Variants in SYT9 observed in about 807,000 individuals in gnomAD.
SYT9 encodes the protein synaptotagmin 9.
In SYT9, 22 loss-of-function variants were observed where a neutral mutation model predicts 48.4. That is an observed-to-expected ratio of 0.45 (90% CI 0.32 to 0.65). The LOEUF (loss-of-function observed/expected upper bound fraction) is 0.65. Among genes scored for constraint, SYT9 ranks in the 30% least tolerant of loss-of-function variants. SYT9 has a pLI of 0.03. For synonymous variants in SYT9, 265 were observed against 245.0 expected (o/e 1.08, Z -0.76); for missense variants, 577 against 622.0 (o/e 0.93, Z 0.77).
intron 3 of SYT9, among the ~76,000 whole-genome samples, chr11:7,361,639 A>C (rs1023867328): frequency 1.3e-5 from 2 of 152,070 alleles, no homozygotes; most frequent in South Asian, 2.1e-4. Context: ...CTTTCCCTCT[A>C]TGATTGTGAA....
At chr11:7,362,152 T>A (rs369020121) in intron 3 of SYT9, among the ~76,000 whole-genome samples, 291 of 144,322 alleles carry the variant, frequency 2.0e-3, no homozygotes, top group African/African-American at 5.2e-3. Flanking sequence ...ATTTTTTTTT[T>A]ATTTTTTTTT....
At chr11:7,444,755 T>C (rs1349092053) in intron 6 of SYT9, among the ~76,000 whole-genome samples, 3 of 152,124 alleles carry the variant, frequency 2.0e-5, no homozygotes, top group African/African-American at 4.8e-5. Context: ...CAGGAATGGA[T>C]TGATAGGCGG....
chr11:7,260,973 G>A (rs11041286), intron 1 of SYT9, among the ~76,000 whole-genome samples: 2,925 of 152,274 alleles, frequency 0.019, 101 homozygotes, highest in African/African-American at 0.066. Context: ...GATGTGCACA[G>A]TCTGTTTTCT....
At chr11:7,432,577 AAAAAAATATATATAC>A (rs1564902004) in intron 6 of SYT9, among the ~76,000 whole-genome samples, 35 of 9,136 alleles carry the variant, frequency 3.8e-3, no homozygotes, top group Admixed American at 7.0e-3. Flanking sequence ...AAAAAAAAAA[AAAAAAATATATATAC>A]ATATATATAT....
intron 3 of SYT9, among the ~76,000 whole-genome samples, chr11:7,372,835 G>A (rs1266710162): frequency 6.6e-6 from 1 of 151,826 alleles, no homozygotes. Flanking sequence ...TTATTTTATG[G>A]CATAAGCTGG....
At position 7,407,495 on chromosome 11, in the gene SYT9, C is replaced by T. The variant is rs1472094274; in HGVS notation, c.1045-8547C>T. On this transcript the variant is annotated intron_variant, in intron 3 of 6. Transcript: ENST00000318881. Reference sequence around the variant, plus strand: ...TCCCGGGTTCACGCCATTCTCCTGCCTCAGCCTCCCCAGTAGCTGGGACTA... The same window carrying T: ...TCCCGGGTTCACGCCATTCTCCTGCTTCAGCCTCCCCAGTAGCTGGGACTA... Among the ~76,000 whole-genome samples, 3 of 99,780 alleles carry T rather than the reference C, an allele frequency of 3.0e-5. 1 individual carries two copies. The highest frequency in any genetic ancestry group is 5.6e-5 in the Non-Finnish European group (3 of 53,134). The allele number at this position is 99,780 out of a possible 152,430, so 65.5% of individuals were successfully genotyped here.
chr11:7,416,247 A>G (rs114606922), intron 4 of SYT9, 85 bp downstream of exon 4: 1 of 1,530,702 alleles, frequency 6.5e-7, no homozygotes, highest in Admixed American at 1.7e-5. Context: ...AATAAAGCAC[A>G]TTGACTCTGG....
chr11:7,455,082 C>A (rs1377625889), intron 6 of SYT9, among the ~76,000 whole-genome samples: 1 of 152,006 alleles, frequency 6.6e-6, no homozygotes, highest in Non-Finnish European at 1.5e-5. Flanking sequence ...TGCCAAAAAT[C>A]TTAATATTAT....
chr11:7,330,204 C>A (rs575722243), intron 3 of SYT9, among the ~76,000 whole-genome samples: 1 of 152,196 alleles, frequency 6.6e-6, no homozygotes, highest in African/African-American at 2.4e-5. Context: ...GAATGCTACT[C>A]AGCAATGAAA....
At chr11:7,341,410 A>C (rs187636822) in intron 3 of SYT9, among the ~76,000 whole-genome samples, 8 of 152,040 alleles carry the variant, frequency 5.3e-5, no homozygotes, top group Admixed American at 4.6e-4. Flanking sequence ...ATAAGGGTGG[A>C]TTTTTCCCAT....
chr11:7,434,178 C>T (rs1281043375), intron 6 of SYT9, among the ~76,000 whole-genome samples: 1 of 152,202 alleles, frequency 6.6e-6, no homozygotes, highest in African/African-American at 2.4e-5. Flanking sequence ...AAGGAAGCTA[C>T]GTCTGTGCTT....
chr11:7,409,369 A>T (rs894863465), intron 3 of SYT9, among the ~76,000 whole-genome samples: 3 of 152,032 alleles, frequency 2.0e-5, no homozygotes, highest in Admixed American at 6.6e-5. Flanking sequence ...TGTCACTGGG[A>T]TAATGTTGGT....
chr11:7,439,545 C>G (rs1847786323), intron 6 of SYT9: 1 of 152,316 alleles, frequency 6.6e-6, no homozygotes, highest in African/African-American at 2.4e-5. Flanking sequence ...AGTCAAGCAA[C>G]ATCAAGTCAA....
Position 7,313,433 on chromosome 11 carries a change from C to G in SYT9, c.536C>G (p.Pro179Arg), listed in dbSNP as rs150311683. The G allele has an allele frequency of 2.5e-6, 4 of 1,613,356 alleles. No homozygotes were observed. Among genetic ancestry groups the G allele is most frequent in the Non-Finnish European group, 3.4e-6 (4 of 1,179,792 alleles). ...CGAAGACAACTCAACTTGTCAAACC[C>G]GGACTTCAATATCCAGCAGCTTCAA... ...SIRRQLNLSNPDFNIQQLQKQ... is the reference protein window; with the variant it reads ...SIRRQLNLSNRDFNIQQLQKQ... The change falls in exon 3 of 7, where the codon CCG becomes CGG. Residue 179 changes from proline (P) to arginine (R), a missense_variant. Coordinates refer to ENST00000318881, the MANE Select transcript of SYT9 (RefSeq NM_175733.4).
chr11:7,432,581 AAATATATATACATATATAT>A lies in SYT9; in HGVS notation c.1467+11948_1467+11966del, dbSNP rs1847618787. Among the ~76,000 whole-genome samples the A allele has an allele frequency of 4.5e-3, 14 of 3,080 alleles. 1 individual carries two copies. Among genetic ancestry groups the A allele is most frequent in the Admixed American group, 0.017 (4 of 240 alleles). 2.0% of individuals were successfully genotyped at this position (3,080 alleles called of 152,430 possible). On this transcript the variant is annotated intron_variant, in intron 6 of 6. Transcript: ENST00000318881. ...AAAAAAAAAAAAAAAAAAAAAAAAA[AAATATATATACATATATAT>A]ATATATATATATATATATATATATA... is the stretch of plus-strand genomic sequence containing the variant.
At chr11:7,415,126 A>T (rs1847216900) in intron 3 of SYT9, among the ~76,000 whole-genome samples, 2 of 152,126 alleles carry the variant, frequency 1.3e-5, no homozygotes, top group African/African-American at 4.8e-5. Flanking sequence ...CTTTAGAGGC[A>T]CGCCAGCAAA....
At chr11:7,449,484 A>G (rs1008435556) in intron 6 of SYT9, among the ~76,000 whole-genome samples, 2 of 152,184 alleles carry the variant, frequency 1.3e-5, no homozygotes, top group Admixed American at 1.3e-4. Context: ...ATTCAGTTGA[A>G]GTGAGAAAGT....
intron 6 of SYT9, among the ~76,000 whole-genome samples, chr11:7,452,220 T>G (rs1848068905): frequency 6.6e-6 from 1 of 151,764 alleles, no homozygotes; most frequent in African/African-American, 2.4e-5. Context: ...TAATCTTAAG[T>G]AATTAACATG....
chr11:7,458,776 G>A (rs771663067), intron 6 of SYT9, among the ~76,000 whole-genome samples: 2 of 152,170 alleles, frequency 1.3e-5, no homozygotes, highest in Non-Finnish European at 2.9e-5. Context: ...AGAAGTAGGG[G>A]ATGAGATCAG....
Sources: allele counts gnomAD v4.1 joint callset (sites outside exome capture counted in the v4.1 genomes callset), GRCh38; gene constraint gnomAD v4.1.1; transcripts MANE v1.5; gene names NCBI Gene and HGNC (gene_info 2026-07-23, HGNC 2026-07-21).